DNAH11: variants seen among roughly 807,000 people sequenced by gnomAD.
The protein encoded by DNAH11 is axonemal beta dynein heavy chain 11.
In DNAH11, 442 loss-of-function variants were observed where a neutral mutation model predicts 526.0. The observed-to-expected ratio is 0.84, with a 90% CI of 0.78 to 0.91. DNAH11 has a LOEUF of 0.91. Ranked by LOEUF, DNAH11 falls within the 40% of genes least tolerant of loss-of-function variation. The pLI, the probability that DNAH11 is intolerant of heterozygous loss-of-function variation, is 0.00. For synonymous variants in DNAH11, 2,461 were observed against 1,935.9 expected (o/e 1.27, Z -7.12); for missense variants, 6,989 against 5,448.7 (o/e 1.28, Z -8.90).
At chr7:21,764,737 T>C (rs1787096824) in intron 54 of DNAH11, among the ~76,000 whole-genome samples, 1 of 152,202 alleles carries the variant, frequency 6.6e-6, no homozygotes, top group Admixed American at 6.5e-5. Context: ...GAATCCCTTG[T>C]GTCCCTAAAA....
chr7:21,731,537 C>T (rs145435998), intron 45 of DNAH11, among the ~76,000 whole-genome samples: 7 of 152,244 alleles, frequency 4.6e-5, no homozygotes, highest in African/African-American at 7.2e-5. Context: ...AAAAAAGCAA[C>T]GTACAGAATA....
intron 45 of DNAH11, among the ~76,000 whole-genome samples, chr7:21,730,054 T>C (rs928227034): frequency 6.6e-6 from 1 of 152,196 alleles, no homozygotes; most frequent in African/African-American, 2.4e-5. Flanking sequence ...GTATAGCCAT[T>C]ATGGAAAACA....
At chr7:21,702,013 G>T (rs1784083672) in intron 36 of DNAH11, among the ~76,000 whole-genome samples, 1 of 152,122 alleles carries the variant, frequency 6.6e-6, no homozygotes, top group South Asian at 2.1e-4. Context: ...GCCCCAAGAA[G>T]ACAGTGAATA....
At chr7:21,706,678 C>G (rs1000483406) in intron 39 of DNAH11, among the ~76,000 whole-genome samples, 1 of 152,094 alleles carries the variant, frequency 6.6e-6, no homozygotes, top group African/African-American at 2.4e-5. Flanking sequence ...CTAGTCTTCA[C>G]CAGTTCTGTT....
chr7:21,880,929 G>C, intron 75 of DNAH11, 36 bp downstream of exon 75: 1 of 1,538,252 alleles, frequency 6.5e-7, no homozygotes, highest in Non-Finnish European at 8.7e-7. Flanking sequence ...CTTCCAAGGA[G>C]TTTACAAAGC....
rs780416768 is a variant in DNAH11 at position 21,900,104 on chromosome 7, C to G, written c.13287C>G (p.His4429Gln). The part of the protein sequence containing the change: ...GHPPREGAYL[H>Q]GLFMEGARWD... The stretch of plus-strand genomic sequence containing the variant: ...CGCCAAGGGAAGGTGCATACCTCCA[C>G]GGACTCTTCATGGAGGGTAAGACAC... The change falls in exon 81 of 82, where the codon CAC becomes CAG. Residue 4429 changes from histidine (H) to glutamine (Q), a missense_variant. Transcript: ENST00000409508. The G allele has an allele frequency of 3.1e-6, 5 of 1,613,420 alleles. No homozygotes were observed. In the African/African-American group the frequency reaches 6.7e-5, roughly 22 times the overall value.
Position 21,725,859 on chromosome 7 carries a change from A to G in DNAH11, c.7315A>G (p.Lys2439Glu). 1 of 1,611,808 alleles carries G rather than the reference A, an allele frequency of 6.2e-7. No individual in the cohort carries two copies. The highest frequency in any genetic ancestry group is 8.5e-7 in the Non-Finnish European group (1 of 1,178,952). The change falls in exon 45 of 82, where the codon AAA becomes GAA. Residue 2439 changes from lysine to glutamate, a missense_variant. Coordinates refer to ENST00000409508, the MANE Select transcript of DNAH11 (RefSeq NM_001277115.2). ...DFSRWWQKEM[K>E]AVKFPSQGTI... is the part of the protein sequence containing the mutation. The stretch of plus-strand genomic sequence containing the variant: ...CAGTCGGTGGTGGCAGAAAGAGATG[A>G]AAGCAGTGAAATTTCCGTCGCAGGG...
At chr7:21,881,457 T>C (rs76010513) in intron 75 of DNAH11, among the ~76,000 whole-genome samples, 4,847 of 152,310 alleles carry the variant, frequency 0.032, 267 homozygotes, top group African/African-American at 0.11. Flanking sequence ...GTAGCTAAAA[T>C]GTGTTTTACA....
intron 28 of DNAH11, among the ~76,000 whole-genome samples, chr7:21,640,459 ATAAG>A (rs913491430): frequency 6.7e-6 from 1 of 148,642 alleles, no homozygotes; most frequent in Non-Finnish European, 1.5e-5. Context: ...TGAATTTTCA[ATAAG>A]TAAGTTAGCA....
At chr7:21,630,752 C>G (rs1369688355) in intron 25 of DNAH11, among the ~76,000 whole-genome samples, 1 of 152,112 alleles carries the variant, frequency 6.6e-6, no homozygotes, top group African/African-American at 2.4e-5. Context: ...TTACGATTCT[C>G]TGTGTCCTTG....
intron 20 of DNAH11, among the ~76,000 whole-genome samples, chr7:21,613,934 A>ATT (rs575437991): frequency 0.077 from 10,934 of 142,764 alleles, 1,083 homozygotes; most frequent in African/African-American, 0.22. Context: ...TGCCCAGCTA[A>ATT]TTTTTTTTTT....
At chr7:21,564,132 GAAAA>G (rs60940743) in intron 5 of DNAH11, 50 bp from the exon 6 acceptor site, 253 of 1,148,994 alleles carry the variant, frequency 2.2e-4, no homozygotes, top group Non-Finnish European at 2.8e-4. Flanking sequence ...AGTGAATTTA[GAAAA>G]AAAAAAAAAA....
chr7:21,885,459 A>T lies in DNAH11; in HGVS notation c.12507+1049A>T, dbSNP rs143801742. 4.6e-3 allele frequency among the ~76,000 whole-genome samples: 699 copies of T among 152,102 alleles called. 2 individuals carry two copies. The highest frequency in any genetic ancestry group is 0.016 in the African/African-American group (657 of 41,546). ...AACAGTGGTTACCAGAGACTGGGGA[A>T]GGGGAGAATGGGGAATGAATGGTCA... On this transcript the variant is annotated intron_variant, in intron 76 of 81. Coordinates refer to ENST00000409508, the MANE Select transcript of DNAH11 (RefSeq NM_001277115.2).
At chr7:21,772,298 C>A (rs1186929927) in intron 55 of DNAH11, among the ~76,000 whole-genome samples, 1 of 151,638 alleles carries the variant, frequency 6.6e-6, no homozygotes, top group Non-Finnish European at 1.5e-5. Context: ...AAGGAGCCTC[C>A]TCATAAGGAT....
chr7:21,639,928 CTG>C (rs1490277282), intron 28 of DNAH11, among the ~76,000 whole-genome samples: 1 of 151,972 alleles, frequency 6.6e-6, no homozygotes, highest in African/African-American at 2.4e-5. Flanking sequence ...TCTTTAGAAT[CTG>C]TGTCTGTTCA....
Position 21,901,510 on chromosome 7 carries a change from A to T in DNAH11, c.*256A>T. 3.1e-6 allele frequency: 1 copy of T among 319,826 alleles called. No homozygotes were observed. The highest frequency in any genetic ancestry group is 5.1e-5 in the Admixed American group (1 of 19,742). 19.8% of individuals were successfully genotyped at this position (319,826 alleles called of 1,614,324 possible). ...CTTGAACCTAGGAGGCAAAGGTTGC[A>T]GTGAGCCGAGGTTGCACCACTGCAC... On this transcript the variant is annotated 3_prime_UTR_variant, in exon 82 of 82. Transcript: ENST00000409508.
rs6956824 is a variant in DNAH11, at chr7:21,637,787, T to C, written c.4817+85T>C. The C allele has an allele frequency of 3.7e-3, 2,910 of 780,026 alleles. 73 individuals carry two copies. In the African/African-American group the frequency reaches 0.047, roughly 13 times the overall value. The allele number at this position is 780,026 out of a possible 1,614,324, so 48.3% of individuals were successfully genotyped here. Reference sequence around the variant, plus strand: ...ATACCTAATAGTATTTAATACTGTGTTATGGAGGTGCAACCTCTACTAAAT... The same window carrying C: ...ATACCTAATAGTATTTAATACTGTGCTATGGAGGTGCAACCTCTACTAAAT... On this transcript the variant is annotated intron_variant, in intron 27 of 81. Coordinates refer to ENST00000409508, the MANE Select transcript of DNAH11 (RefSeq NM_001277115.2).
chr7:21,672,876 A>T (rs1782701553), intron 30 of DNAH11, among the ~76,000 whole-genome samples: 1 of 152,114 alleles, frequency 6.6e-6, no homozygotes, highest in Non-Finnish European at 1.5e-5. Flanking sequence ...CTTCTCTCTG[A>T]CCTTAAGTCT....
chr7:21,837,603 C>G (rs1247725149), intron 65 of DNAH11, among the ~76,000 whole-genome samples: 1 of 152,008 alleles, frequency 6.6e-6, no homozygotes, highest in East Asian at 1.9e-4. Context: ...AGAGATTGGT[C>G]AATGGTTACA....
Sources: gnomAD v4.1 joint callset for allele counts (sites outside exome capture counted in the v4.1 genomes callset) on GRCh38, gnomAD v4.1.1 for gene constraint, MANE v1.5 for transcripts, NCBI Gene and HGNC (gene_info 2026-07-23, HGNC 2026-07-21) for gene names.